The following SATB2 variants were observed in gnomAD, a reference collection of about 807,000 sequenced individuals.
SATB2 encodes the protein SATB homeobox 2.
A neutral mutation model predicts 73.4 loss-of-function variants in SATB2; 1 was observed. The ratio of observed to expected loss-of-function variants is 0.01; its 90% CI spans 0.00 to 0.06. The LOEUF is 0.06. Ranked by LOEUF, SATB2 falls within the 10% of genes least tolerant of loss-of-function variation. SATB2 has a pLI of 1.00. For missense variants in SATB2, 459 were observed against 945.8 expected (o/e 0.49, Z 6.75); for synonymous variants, 397 against 367.0 (o/e 1.08, Z -0.93).
rs183338140 is a variant in SATB2 at position 199,337,226 on chromosome 2, T to C, written c.1174-8316A>G. Among the ~76,000 whole-genome samples, 175 of 152,128 alleles carry C rather than the reference T, an allele frequency of 1.2e-3. 1 individual carries two copies. Among genetic ancestry groups the C allele is most frequent in the African/African-American group, 2.1e-3 (87 of 41,510 alleles). On this transcript the variant is annotated intron_variant, in intron 7 of 10. Transcript: ENST00000417098. Reference sequence around the variant, plus strand: ...GACATAGAGAAGGTATAAAGAAAAATGTAATAAATTATATGATGCAAAATG... The same window carrying C: ...GACATAGAGAAGGTATAAAGAAAAACGTAATAAATTATATGATGCAAAATG...
intron 10 of SATB2, among the ~76,000 whole-genome samples, chr2:199,285,596 T>C (rs774604352): frequency 5.3e-5 from 8 of 151,968 alleles, no homozygotes; most frequent in Non-Finnish European, 1.0e-4. Context: ...AAAAAAAAAG[T>C]ATCCATGAAG....
At chr2:199,443,919 A>C (rs1419429492) in intron 2 of SATB2, among the ~76,000 whole-genome samples, 2 of 152,236 alleles carry the variant, frequency 1.3e-5, no homozygotes, top group Admixed American at 1.3e-4. Flanking sequence ...TCTGGTTTGC[A>C]ATACATAGGA....
intron 10 of SATB2, among the ~76,000 whole-genome samples, chr2:199,276,936 G>T (rs1198660669): frequency 6.6e-6 from 1 of 152,088 alleles, no homozygotes; most frequent in Non-Finnish European, 1.5e-5. Flanking sequence ...CCAATAATAA[G>T]ATCGATAAAT....
At chr2:199,447,158 A>C (rs1187072752) in intron 2 of SATB2, among the ~76,000 whole-genome samples, 1 of 152,162 alleles carries the variant, frequency 6.6e-6, no homozygotes, top group African/African-American at 2.4e-5. Context: ...AGAGTAACAA[A>C]TACAGCCCAG....
chr2:199,421,961 G>A (rs1251962916), intron 3 of SATB2, among the ~76,000 whole-genome samples: 2 of 152,170 alleles, frequency 1.3e-5, no homozygotes, highest in Non-Finnish European at 2.9e-5. Context: ...AGCATGTGCT[G>A]GGTATATAGT....
chr2:199,379,623 G>A (rs941340243), intron 5 of SATB2, among the ~76,000 whole-genome samples: 6 of 151,568 alleles, frequency 4.0e-5, no homozygotes, highest in East Asian at 1.9e-4. Flanking sequence ...CCCTATCTCC[G>A]ATGAAATATG....
At position 199,270,760 on chromosome 2, in the gene SATB2, T is replaced by C. The variant is rs554367955; in HGVS notation, c.*1451A>G. 1.3e-5 allele frequency: 2 copies of C among 152,496 alleles called. No homozygotes were observed. The highest frequency in any genetic ancestry group is 6.5e-5 in the Admixed American group (1 of 15,300). The allele number at this position is 152,496 out of a possible 1,614,324, so 9.4% of individuals were successfully genotyped here. On this transcript the variant is annotated 3_prime_UTR_variant, in exon 11 of 11. Transcript: ENST00000417098. ...ATTAGTTCTGCTTTACATAAGGTAA[T>C]TGCGATGTAGGTAACTGGGATAATG...
chr2:199,461,440 T>A (rs895742632), upstream of SATB2, among the ~76,000 whole-genome samples: 1 of 152,244 alleles, frequency 6.6e-6, no homozygotes, highest in Non-Finnish European at 1.5e-5. Flanking sequence ...TTGGTTTCGT[T>A]TTGTATCCCT....
intron 3 of SATB2, among the ~76,000 whole-genome samples, chr2:199,399,108 A>C (rs1690390457): frequency 6.6e-6 from 1 of 151,970 alleles, no homozygotes; most frequent in Non-Finnish European, 1.5e-5. Context: ...CCATCTCTAC[A>C]AAAAAATATA....
chr2:199,347,537 C>T (rs1191867356), intron 7 of SATB2: 2 of 152,190 alleles, frequency 1.3e-5, no homozygotes, highest in Admixed American at 6.5e-5. Context: ...GTGTTGTTTA[C>T]ATATGTGCTT....
intron 3 of SATB2, among the ~76,000 whole-genome samples, chr2:199,384,121 A>G (rs1352127383): frequency 1.3e-5 from 2 of 152,200 alleles, no homozygotes; most frequent in Non-Finnish European, 2.9e-5. Context: ...TAGAATCTCC[A>G]TATAGGTAAA....
chr2:199,348,670 T>C, intron 7 of SATB2, 31 bp downstream of exon 7: 1 of 1,482,698 alleles, frequency 6.7e-7, no homozygotes, highest in South Asian at 1.3e-5. Context: ...CCAGTATTAC[T>C]GTTAATTACA....
chr2:199,281,495 A>ACACACAC (rs1553539936), intron 10 of SATB2, among the ~76,000 whole-genome samples: 1 of 151,276 alleles, frequency 6.6e-6, no homozygotes, highest in Admixed American at 6.6e-5. Flanking sequence ...ACACACACAC[A>ACACACAC]ATTTTTTTTT....
chr2:199,353,689 CTT>C (rs1439963453), intron 6 of SATB2, among the ~76,000 whole-genome samples: 2 of 151,952 alleles, frequency 1.3e-5, no homozygotes, highest in African/African-American at 2.4e-5. Context: ...CTGCTTTTCT[CTT>C]TCTCTTCTTC....
chr2:199,329,069 A>G lies in SATB2; in HGVS notation c.1174-159T>C. The G allele has an allele frequency of 4.4e-6, 3 of 689,396 alleles. No homozygotes were observed. The South Asian group carries it at 4.7e-5, about 11-fold the overall frequency. The allele number at this position is 689,396 out of a possible 1,614,324, so 42.7% of individuals were successfully genotyped here. On this transcript the variant is annotated intron_variant, in intron 7 of 10. Coordinates refer to ENST00000417098, the MANE Select transcript of SATB2 (RefSeq NM_001172509.2). Reference sequence around the variant, plus strand: ...CTTAGGGTTCTCCGATATGAAGTCAATGTGCTTGCCTTCCGGGGGATATGC... The same window carrying G: ...CTTAGGGTTCTCCGATATGAAGTCAGTGTGCTTGCCTTCCGGGGGATATGC...
At chr2:199,322,519 T>C (rs1278035943) in intron 9 of SATB2, among the ~76,000 whole-genome samples, 1 of 152,226 alleles carries the variant, frequency 6.6e-6, no homozygotes, top group Non-Finnish European at 1.5e-5. Flanking sequence ...CTTAGCAAAC[T>C]GTATTTCACT....
In SATB2 at chr2:199,270,307, G is replaced by A. The variant is rs1014908585; in HGVS notation, c.*1904C>T. The A allele has an allele frequency of 2.0e-5, 3 of 152,546 alleles. No homozygotes were observed. Among genetic ancestry groups the A allele is most frequent in the African/African-American group, 7.2e-5 (3 of 41,384 alleles). The allele number at this position is 152,546 out of a possible 1,614,324, so 9.4% of individuals were successfully genotyped here. ...TGAGCAGCTAGAATTAGCTTGTATT[G>A]CAACATGTCTTCTCCCTGTATATTG... On this transcript the variant is annotated 3_prime_UTR_variant, in exon 11 of 11. Transcript: ENST00000417098.
chr2:199,364,945 C>T (rs1220921751), intron 6 of SATB2, among the ~76,000 whole-genome samples: 1 of 151,970 alleles, frequency 6.6e-6, no homozygotes, highest in Non-Finnish European at 1.5e-5. Context: ...TATATGATTG[C>T]CACTTCATTT....
chr2:199,321,194 T>C (rs1687874347), intron 9 of SATB2, among the ~76,000 whole-genome samples: 2 of 152,054 alleles, frequency 1.3e-5, no homozygotes, highest in Admixed American at 6.6e-5. Flanking sequence ...GGTTAAGTCC[T>C]ATGATTAGTC....
Sources: gnomAD v4.1 joint callset for allele counts (sites outside exome capture counted in the v4.1 genomes callset) on GRCh38, gnomAD v4.1.1 for gene constraint, MANE v1.5 for transcripts, NCBI Gene and HGNC (gene_info 2026-07-23, HGNC 2026-07-21) for gene names.